MGAT4C: variants seen among roughly 807,000 people sequenced by gnomAD.
MGAT4C encodes the protein alpha-1,3-mannosyl-glycoprotein 4-beta-N-acetylglucosaminyltransferase C.
In MGAT4C, 19 loss-of-function variants were observed where a neutral mutation model predicts 40.1. The observed-to-expected ratio is 0.47, with a 90% CI of 0.33 to 0.70. The LOEUF is 0.70. Ranked by LOEUF, MGAT4C falls within the 30% of genes least tolerant of loss-of-function variation. MGAT4C has a pLI of 0.02. For missense variants in MGAT4C, 491 were observed against 563.2 expected, an observed-to-expected ratio of 0.87 and a Z score of 1.30; for synonymous variants, 181 against 187.1, an observed-to-expected ratio of 0.97 and a Z score of 0.27.
rs557852269 is a variant in MGAT4C at position 86,059,829 on chromosome 12, G to C, written c.-56-10106C>G. On this transcript the variant is annotated intron_variant, in intron 1 of 4. Transcript: ENST00000611864. The stretch of plus-strand genomic sequence containing the variant: ...ACCAGAGCAGCAGCCCCTAACACAA[G>C]ACTCTAACACCGTGTAAGATAAGTT... Among the ~76,000 whole-genome samples, 404 of 152,172 alleles carry C rather than the reference G, an allele frequency of 2.7e-3. 3 individuals are homozygous for C. Among genetic ancestry groups the C allele is most frequent in the Middle Eastern group, 0.01 (3 of 294 alleles).
At chr12:86,130,512 A>G (rs1881018214) in intron 1 of MGAT4C, among the ~76,000 whole-genome samples, 2 of 152,098 alleles carry the variant, frequency 1.3e-5, no homozygotes, top group African/African-American at 4.8e-5. Context: ...CTCAATACAA[A>G]TGGCTGACTT....
intron 2 of MGAT4C, among the ~76,000 whole-genome samples, chr12:86,451,284 T>A (rs1475472588): frequency 6.6e-6 from 1 of 152,146 alleles, no homozygotes; most frequent in Admixed American, 6.6e-5. Flanking sequence ...AAGCTCCTGC[T>A]TCATCTACCT....
intron 4 of MGAT4C, among the ~76,000 whole-genome samples, chr12:86,318,880 C>G (rs1040021202): frequency 1.3e-5 from 2 of 152,178 alleles, no homozygotes; most frequent in African/African-American, 4.8e-5. Flanking sequence ...GTGAGACTTC[C>G]AGTTTTATCT....
At chr12:86,599,971 T>C (rs1961703473) in intron 2 of MGAT4C, among the ~76,000 whole-genome samples, 3 of 152,066 alleles carry the variant, frequency 2.0e-5, no homozygotes, top group Admixed American at 6.6e-5. Flanking sequence ...CAGGGAAGGA[T>C]ATTGAAAATA....
Position 85,961,310 on chromosome 12 carries a change from A to G in MGAT4C, c.*17979T>C, listed in dbSNP as rs1883099298. ...ACATTAAATGATCAAATAATCTTTT[A>G]TGAGCTCAGAAAAAAATGCCTAACA... On this transcript the variant is annotated 3_prime_UTR_variant, in exon 5 of 5. Coordinates refer to ENST00000611864, the MANE Select transcript of MGAT4C (RefSeq NM_001351288.2). The G allele has an allele frequency of 6.6e-6, 1 of 151,914 alleles. No homozygotes were observed. 9.4% of individuals were successfully genotyped at this position (151,914 alleles called of 1,614,324 possible). A position where few individuals can be genotyped will look rare whatever the true frequency, so the allele number is the denominator to read the frequency against.
At chr12:86,422,496 A>G (rs1318871919) in intron 3 of MGAT4C, among the ~76,000 whole-genome samples, 1 of 152,218 alleles carries the variant, frequency 6.6e-6, no homozygotes, top group East Asian at 1.9e-4. Context: ...TACAGCTTAT[A>G]AAAACACAAG....
At chr12:86,051,257 A>C (rs1305984788) in intron 1 of MGAT4C, among the ~76,000 whole-genome samples, 1 of 152,012 alleles carries the variant, frequency 6.6e-6, no homozygotes, top group African/African-American at 2.4e-5. Flanking sequence ...CTAGTGATGT[A>C]CCTTTAAATA....
At chr12:86,315,834 A>G (rs1309667310) in intron 4 of MGAT4C, among the ~76,000 whole-genome samples, 2 of 152,074 alleles carry the variant, frequency 1.3e-5, no homozygotes, top group African/African-American at 4.8e-5. Flanking sequence ...ACGAAAATTG[A>G]CAAGATTGAC....
At chr12:86,656,437 A>G (rs982963762) in intron 2 of MGAT4C, among the ~76,000 whole-genome samples, 1 of 152,080 alleles carries the variant, frequency 6.6e-6, no homozygotes, top group Non-Finnish European at 1.5e-5. Flanking sequence ...GAGACATGGT[A>G]GGCTAACAAG....
intron 1 of MGAT4C, among the ~76,000 whole-genome samples, chr12:86,174,158 C>G (rs1391732208): frequency 1.4e-5 from 2 of 146,596 alleles, no homozygotes; most frequent in Non-Finnish European, 3.0e-5. Flanking sequence ...CACACACACA[C>G]AGAATAAAAA....
At chr12:86,775,912 T>C (rs2136175992) in intron 1 of MGAT4C, among the ~76,000 whole-genome samples, 1 of 151,962 alleles carries the variant, frequency 6.6e-6, no homozygotes, top group African/African-American at 2.4e-5. Flanking sequence ...TTTATTTTTT[T>C]CCTTTATATT....
At chr12:86,106,354 G>A (rs1876173171) in intron 1 of MGAT4C, among the ~76,000 whole-genome samples, 1 of 152,136 alleles carries the variant, frequency 6.6e-6, no homozygotes, top group South Asian at 2.1e-4. Flanking sequence ...CGGCTGGAGT[G>A]CAGTGGCACA....
intron 1 of MGAT4C, among the ~76,000 whole-genome samples, chr12:86,731,208 T>C (rs1036249798): frequency 3.3e-5 from 5 of 152,146 alleles, no homozygotes; most frequent in African/African-American, 4.8e-5. Flanking sequence ...TTCTGTATAA[T>C]AGAGACACTA....
In MGAT4C at chr12:86,110,298, C is replaced by CTATA. The variant is rs1565996123; in HGVS notation, c.-56-60576_-56-60575insTATA. Among the ~76,000 whole-genome samples the CTATA allele has an allele frequency of 2.2e-3, 34 of 15,704 alleles. 3 individuals carry two copies. Among genetic ancestry groups the CTATA allele is most frequent in the African/African-American group, 4.6e-3 (13 of 2,850 alleles). The allele number at this position is 15,704 out of a possible 152,430, so 10.3% of individuals were successfully genotyped here. A position where few individuals can be genotyped will look rare whatever the true frequency, so the allele number is the denominator to read the frequency against. ...TATATAGTCTATATATATATAGTCT[C>CTATA]TCTATATATATATATATATAGTCTC... On this transcript the variant is annotated intron_variant, in intron 1 of 4. Transcript: ENST00000611864.
At chr12:86,685,550 G>A (rs1311545588) in intron 2 of MGAT4C, among the ~76,000 whole-genome samples, 1 of 152,056 alleles carries the variant, frequency 6.6e-6, no homozygotes, top group Middle Eastern at 3.2e-3. Context: ...TAAGGTAGTT[G>A]TTTCTAATTC....
chr12:86,259,102 A>G (rs1379518508), upstream of MGAT4C, among the ~76,000 whole-genome samples: 1 of 152,064 alleles, frequency 6.6e-6, no homozygotes, highest in Non-Finnish European at 1.5e-5. Flanking sequence ...ATAAGGACAG[A>G]AGAAAATATA....
chr12:86,060,092 G>GA (rs1056201105), intron 1 of MGAT4C, among the ~76,000 whole-genome samples: 2 of 152,092 alleles, frequency 1.3e-5, no homozygotes, highest in African/African-American at 4.8e-5. Context: ...ATGAGGACTA[G>GA]AACTTCAGTT....
intron 2 of MGAT4C, among the ~76,000 whole-genome samples, chr12:86,010,610 G>A (rs916371437): frequency 7.9e-5 from 12 of 152,120 alleles, no homozygotes; most frequent in African/African-American, 1.2e-4. Context: ...ACCGGGAGGC[G>A]GAGGTTGCAG....
intron 3 of MGAT4C, among the ~76,000 whole-genome samples, chr12:86,417,107 A>C (rs1333625917): frequency 6.6e-6 from 1 of 152,154 alleles, no homozygotes; most frequent in Non-Finnish European, 1.5e-5. Context: ...TATCACCAAC[A>C]GTCTGCATCG....
Sources: gnomAD v4.1 joint callset for allele counts (sites outside exome capture counted in the v4.1 genomes callset) on GRCh38, gnomAD v4.1.1 for gene constraint, MANE v1.5 for transcripts, NCBI Gene and HGNC (gene_info 2026-07-23, HGNC 2026-07-21) for gene names.